Variants in TAOK3 observed in about 807,000 individuals in gnomAD.
TAOK3 encodes serine/threonine-protein kinase TAO3.
Under a neutral mutation model 120.4 loss-of-function variants are expected in TAOK3, and 40 were observed. The ratio of observed to expected loss-of-function variants is 0.33; its 90% CI spans 0.26 to 0.43. TAOK3 has a LOEUF of 0.43. Ranked by LOEUF, TAOK3 falls within the 20% of genes least tolerant of loss-of-function variation. The pLI, the probability that TAOK3 is intolerant of heterozygous loss-of-function variation, is 1.00. For missense variants in TAOK3, 821 were observed against 1,112.1 expected (o/e 0.74, Z 3.72); for synonymous variants, 355 against 387.5 (o/e 0.92, Z 0.99).
chr12:118,316,834 A>G (rs781259693), intron 1 of TAOK3, among the ~76,000 whole-genome samples: 12 of 152,230 alleles, frequency 7.9e-5, no homozygotes, highest in Non-Finnish European at 1.8e-4. Context: ...TTGTATTTCT[A>G]TATACTGGCA....
rs533786031 is a variant in TAOK3, at chr12:118,245,930, A to T, written c.121-965T>A. Among the ~76,000 whole-genome samples the T allele has an allele frequency of 2.0e-5, 3 of 152,390 alleles. No homozygotes were observed. The South Asian group carries it at 6.2e-4, about 32-fold the overall frequency. On this transcript the variant is annotated intron_variant, in intron 3 of 20. Transcript: ENST00000392533. ...AAAATAACCACTTAAGGAATGAGGTAATCTATGTGCAATGCAATATGAAAA... is the reference window on the plus strand; with the variant it reads ...AAAATAACCACTTAAGGAATGAGGTTATCTATGTGCAATGCAATATGAAAA...
rs2036721871 is a variant in TAOK3, at chr12:118,181,486, G to A, written c.1451C>T (p.Ala484Val). The A allele has an allele frequency of 6.2e-7, 1 of 1,614,196 alleles. No homozygotes were observed. Among genetic ancestry groups the A allele is most frequent in the Non-Finnish European group, 8.5e-7 (1 of 1,180,034 alleles). The stretch of plus-strand genomic sequence containing the variant: ...CTTGAGGCGGTGCTCGTCCATCTCA[G>A]CCTTCAGCTTGTTCTCCAGGGCGAT... ...QLIALENKLK[A>V]EMDEHRLKLQ... The change falls in exon 15 of 21, where the codon GCT becomes GTT. Residue 484 changes from alanine to valine, a missense_variant. This residue lies in a region of TAOK3 where 354 missense variants were observed against 572.1 expected (regional missense o/e 0.62). Transcript: ENST00000392533.
chr12:118,295,593 C>T (rs903563693), intron 1 of TAOK3, among the ~76,000 whole-genome samples: 5 of 152,122 alleles, frequency 3.3e-5, no homozygotes, highest in Admixed American at 2.0e-4. Context: ...TTCTTGAAGG[C>T]AGAAATGGTC....
At chr12:118,316,424 T>C (rs756339329) in intron 1 of TAOK3, among the ~76,000 whole-genome samples, 1 of 152,148 alleles carries the variant, frequency 6.6e-6, no homozygotes, top group Non-Finnish European at 1.5e-5. Context: ...GGACATCATT[T>C]TTTTTTTACT....
chr12:118,151,287 G>GCACA (rs767980079), intron 20 of TAOK3, 129 bp from the exon 21 acceptor site: 565 of 476,652 alleles, frequency 1.2e-3, no homozygotes, highest in South Asian at 6.5e-3. Context: ...GTGCGCGCGC[G>GCACA]CGCACACACA....
rs546133136 is a variant in TAOK3 at position 118,167,357 on chromosome 12, T to C, written c.1899+5100A>G. Among the ~76,000 whole-genome samples the C allele has an allele frequency of 2.0e-4, 31 of 152,254 alleles. 1 individual carries two copies. The South Asian group carries it at 6.2e-3, about 31-fold the overall frequency. ...TTAAAAATTTAGATGTATGCATTCT[T>C]TGACCCAGGAATTCCACTTCCGAAA... is the stretch of plus-strand genomic sequence containing the variant. On this transcript the variant is annotated intron_variant, in intron 17 of 20. Coordinates refer to ENST00000392533, the MANE Select transcript of TAOK3 (RefSeq NM_016281.4).
At chr12:118,234,453 C>T (rs765807928) in intron 8 of TAOK3, among the ~76,000 whole-genome samples, 23 of 151,820 alleles carry the variant, frequency 1.5e-4, no homozygotes, top group Non-Finnish European at 5.9e-5. Flanking sequence ...ACCATGTTAG[C>T]CAGGATGGTC....
intron 1 of TAOK3, among the ~76,000 whole-genome samples, chr12:118,329,588 G>C (rs1003730811): frequency 6.6e-6 from 1 of 152,254 alleles, no homozygotes; most frequent in Middle Eastern, 3.4e-3. Context: ...TTATGGGGGG[G>C]TTGGAAGAGC....
At chr12:118,198,778 T>C (rs1262395135) in intron 13 of TAOK3, 1 of 447,768 alleles carries the variant, frequency 2.2e-6, no homozygotes, top group Non-Finnish European at 4.1e-6. Context: ...ATTAAGATTA[T>C]TGGTTTAGAG....
chr12:118,166,678 A>G (rs1053009104), intron 17 of TAOK3, among the ~76,000 whole-genome samples: 1 of 152,156 alleles, frequency 6.6e-6, no homozygotes, highest in African/African-American at 2.4e-5. Context: ...ATGACACAAT[A>G]TACACACTAG....
At chr12:118,174,376 CTTTT>C (rs766172789) in intron 16 of TAOK3, among the ~76,000 whole-genome samples, 1 of 133,236 alleles carries the variant, frequency 7.5e-6, no homozygotes, top group African/African-American at 2.8e-5. Context: ...TGGCTTCTGG[CTTTT>C]TTTTTTTTTT....
At chr12:118,361,914 A>AAATAATAAT (rs78087373) in intron 1 of TAOK3, among the ~76,000 whole-genome samples, 2 of 143,684 alleles carry the variant, frequency 1.4e-5, no homozygotes, top group African/African-American at 5.0e-5. Flanking sequence ...CTATTAATAA[A>AAATAATAAT]AATAATAATA....
At chr12:118,295,607 TG>T (rs2042649939) in intron 1 of TAOK3, among the ~76,000 whole-genome samples, 1 of 152,212 alleles carries the variant, frequency 6.6e-6, no homozygotes, top group South Asian at 2.1e-4. Flanking sequence ...AATGGTCTTT[TG>T]GCCTTATGCT....
intron 1 of TAOK3, among the ~76,000 whole-genome samples, chr12:118,353,257 A>G (rs533445932): frequency 6.6e-5 from 10 of 152,216 alleles, no homozygotes; most frequent in East Asian, 5.8e-4. Flanking sequence ...TAGGAGTAGG[A>G]AAAGCATCTA....
At chr12:118,164,744 T>C (rs981817716) in intron 17 of TAOK3, among the ~76,000 whole-genome samples, 1 of 152,116 alleles carries the variant, frequency 6.6e-6, no homozygotes, top group African/African-American at 2.4e-5. Context: ...ATTAGAACAA[T>C]AGAGGGCCTC....
At chr12:118,228,381 A>C (rs1379917113) in intron 9 of TAOK3, among the ~76,000 whole-genome samples, 1 of 151,934 alleles carries the variant, frequency 6.6e-6, no homozygotes, top group African/African-American at 2.4e-5. Flanking sequence ...CAAACTCCTG[A>C]CCTCAGGTGA....
At chr12:118,288,995 T>A (rs1216416148) in intron 1 of TAOK3, among the ~76,000 whole-genome samples, 2 of 149,420 alleles carry the variant, frequency 1.3e-5, no homozygotes, top group Non-Finnish European at 3.0e-5. Flanking sequence ...TTCATATGGC[T>A]ACTAATTTAG....
Position 118,268,740 on chromosome 12 carries a change from G to A in TAOK3, c.-193-1981C>T, listed in dbSNP as rs558012838. Among the ~76,000 whole-genome samples, 9 of 152,298 alleles carry A rather than the reference G, an allele frequency of 5.9e-5. No homozygotes were observed. The South Asian group carries it at 1.9e-3, about 32-fold the overall frequency. On this transcript the variant is annotated intron_variant, in intron 1 of 20. Transcript: ENST00000392533. ...GAAAGTAGTTTCAGCTAGGCACAGT[G>A]GCTCACACCTGTAATCCCAGCACTT...
At chr12:118,368,086 A>C (rs1413161803) in intron 1 of TAOK3, among the ~76,000 whole-genome samples, 1 of 152,230 alleles carries the variant, frequency 6.6e-6, no homozygotes, top group Non-Finnish European at 1.5e-5. Flanking sequence ...AAGTATTTGC[A>C]TCCTGCTAAA....
Sources: allele counts gnomAD v4.1 joint callset (sites outside exome capture counted in the v4.1 genomes callset), GRCh38; gene constraint gnomAD v4.1.1; regional missense constraint gnomAD v4.1.1; transcripts MANE v1.5; gene names NCBI Gene and HGNC (gene_info 2026-07-23, HGNC 2026-07-21).